Variants in OVCH2 observed in about 807,000 individuals in gnomAD.
OVCH2 encodes the protein ovochymase 2.
In OVCH2, 88 loss-of-function variants were observed where a neutral mutation model predicts 73.7. The ratio of observed to expected loss-of-function variants is 1.19; its 90% CI spans 1.01 to 1.43. The LOEUF is 1.43. OVCH2 is among the 40% of genes most tolerant of loss of function. The pLI, the probability that OVCH2 is intolerant of heterozygous loss-of-function variation, is 0.00. For missense variants in OVCH2, 706 were observed against 674.5 expected (o/e 1.05, Z -0.52); for synonymous variants, 265 against 234.5 (o/e 1.13, Z -1.19).
chr11:7,701,980 C>T (rs1044048496), intron 4 of OVCH2, among the ~76,000 whole-genome samples, 169 bp from the exon 5 acceptor site: 1 of 152,194 alleles, frequency 6.6e-6, no homozygotes, highest in East Asian at 1.9e-4. Flanking sequence ...CTTCTCCTGA[C>T]TCCATGTAAT....
intron 3 of OVCH2, 81 bp from the exon 4 acceptor site, chr11:7,702,410 T>A: frequency 9.6e-7 from 1 of 1,046,746 alleles, no homozygotes; most frequent in Non-Finnish European, 1.4e-6. Flanking sequence ...CTAGCTTCTT[T>A]AAAATGATAT....
At chr11:7,702,106 G>C (rs934794961) in intron 4 of OVCH2, 51 bp downstream of exon 4, 1 of 1,471,170 alleles carries the variant, frequency 6.8e-7, no homozygotes, top group Non-Finnish European at 9.4e-7. Context: ...ATGGCACAGA[G>C]GTTATAGAGA....
the OVCH2 span, among the ~76,000 whole-genome samples, chr11:7,683,409 T>C: frequency 6.6e-6 from 1 of 152,222 alleles, no homozygotes; most frequent in Non-Finnish European, 1.5e-5. Context: ...GTTGGTTTTT[T>C]CTTGAAAATA....
intron 11 of OVCH2, 81 bp downstream of exon 11, chr11:7,695,489 C>T: frequency 1.5e-6 from 2 of 1,361,954 alleles, no homozygotes; most frequent in Non-Finnish European, 1.0e-6. Flanking sequence ...AGAGGGATCC[C>T]TGCCACTCAC....
At chr11:7,692,876 A>G (rs551820941) in intron 12 of OVCH2, among the ~76,000 whole-genome samples, 1 of 152,362 alleles carries the variant, frequency 6.6e-6, no homozygotes, top group African/African-American at 2.4e-5. Context: ...TATTGGCAGC[A>G]TAATATTTCA....
intron 5 of OVCH2, 95 bp downstream of exon 5, chr11:7,701,621 A>G (rs1856439330): frequency 2.1e-6 from 3 of 1,407,284 alleles, no homozygotes; most frequent in African/African-American, 3.7e-5. Flanking sequence ...TGTATGCACA[A>G]TCGATTTTTA....
chr11:7,703,451 G>A (rs1014736647), intron 3 of OVCH2, among the ~76,000 whole-genome samples: 1 of 152,036 alleles, frequency 6.6e-6, no homozygotes, highest in Non-Finnish European at 1.5e-5. Flanking sequence ...TGACTTGGAT[G>A]CTATTATTAA....
At chr11:7,701,916 G>T in intron 4 of OVCH2, 105 bp from the exon 5 acceptor site, 1 of 994,674 alleles carries the variant, frequency 1.0e-6, no homozygotes, top group Non-Finnish European at 1.5e-6. Flanking sequence ...CCTCATGAGA[G>T]TTGTGATAGC....
chr11:7,706,294 A>G lies in OVCH2; in HGVS notation c.88+13T>C. ...TCAGACAAAGGTAATTATAGAGTTC[A>G]TTTGAAACTTACCTTTGGGGAGCGA... On this transcript the variant is annotated intron_variant, in intron 1 of 15. Coordinates refer to ENST00000533663, the MANE Select transcript of OVCH2 (RefSeq NM_198185.7). The G allele has an allele frequency of 6.4e-7, 1 of 1,572,856 alleles. No individual in the cohort carries two copies. The highest frequency in any genetic ancestry group is 8.6e-7 in the Non-Finnish European group (1 of 1,156,632).
At chr11:7,696,352 G>C (rs878917999) in intron 10 of OVCH2, 113 bp downstream of exon 10, 30 of 1,416,706 alleles carry the variant, frequency 2.1e-5, no homozygotes, top group Non-Finnish European at 1.9e-6. Flanking sequence ...TCTCAAAGCG[G>C]AAGTCAAGAA....
At position 7,703,705 on chromosome 11, in the gene OVCH2, C is replaced by A; in HGVS notation, c.283G>T (p.Ala95Ser). 6.2e-7 allele frequency: 1 copy of A among 1,603,260 alleles called. No individual in the cohort carries two copies. The highest frequency in any genetic ancestry group is 8.5e-7 in the Non-Finnish European group (1 of 1,174,946). ...QWVITAAHCI[A>S]NRNIVSTLNV... Reference sequence around the variant, plus strand: ...GGGCTAGGCCTTTCTTACCTGTTTGCAATGCAGTGAGCCGCCGTGATCACC... The same window carrying A: ...GGGCTAGGCCTTTCTTACCTGTTTGAAATGCAGTGAGCCGCCGTGATCACC... Residue 95 changes from alanine to serine, a missense_variant, in exon 3 of 16, where the codon GCA (alanine) becomes TCA (serine). Ala to Ser is a moderately conservative substitution (Grantham distance 99, BLOSUM62 1). Transcript: ENST00000533663.
chr11:7,688,129 C>G (rs547723212), downstream of OVCH2, among the ~76,000 whole-genome samples: 33 of 152,134 alleles, frequency 2.2e-4, no homozygotes, highest in Non-Finnish European at 4.3e-4. Context: ...TTCTCCTCCT[C>G]CCCTTATGCC....
At chr11:7,687,321 A>G (rs1257397580), downstream of OVCH2, among the ~76,000 whole-genome samples, 1 of 149,834 alleles carries the variant, frequency 6.7e-6, no homozygotes, top group Non-Finnish European at 1.5e-5. Context: ...TAATAATAAT[A>G]ATAATAATAA....
chr11:7,706,105 G>A, intron 1 of OVCH2: 1 of 515,730 alleles, frequency 1.9e-6, no homozygotes, highest in Non-Finnish European at 3.4e-6. Context: ...GGATACATTA[G>A]TTGCATTCTA....
the OVCH2 span, among the ~76,000 whole-genome samples, chr11:7,681,780 C>T: frequency 6.7e-6 from 1 of 150,326 alleles, no homozygotes; most frequent in South Asian, 2.1e-4. Context: ...CATGGACAAG[C>T]CTGGGGATGG....
the OVCH2 span, among the ~76,000 whole-genome samples, chr11:7,684,187 T>C: frequency 0.038 from 5,770 of 152,150 alleles, 149 homozygotes; most frequent in African/African-American, 0.076. Flanking sequence ...CTGACCTTTC[T>C]TGACCATCAA....
rs975348989 is a variant in OVCH2 at position 7,701,911 on chromosome 11, T to C, written c.464-100A>G. On this transcript the variant is annotated intron_variant, in intron 4 of 15. Transcript: ENST00000533663. ...TCCAGGTGGTCCCCTAAAGACCTCA[T>C]GAGAGTTGTGATAGCTCTGCCTGGC... 6 of 1,026,644 alleles carry C rather than the reference T, an allele frequency of 5.8e-6. No homozygotes were observed. In the African/African-American group the frequency reaches 9.7e-5, roughly 17 times the overall value. 63.6% of individuals were successfully genotyped at this position (1,026,644 alleles called of 1,614,324 possible). A position where few individuals can be genotyped will look rare whatever the true frequency, so the allele number is the denominator to read the frequency against.
At position 7,703,730 on chromosome 11, in the gene OVCH2, C is replaced by G; in HGVS notation, c.258G>C (p.Trp86Cys). Residue 86 changes from tryptophan (W) to cysteine (C), a missense_variant, in exon 3 of 16, where the codon TGG becomes TGC. Transcript: ENST00000533663. Reference sequence around the variant, plus strand: ...CAATGCAGTGAGCCGCCGTGATCACCCACTGTGGTGAGACGATGCTTCCTC... The same window carrying G: ...CAATGCAGTGAGCCGCCGTGATCACGCACTGTGGTGAGACGATGCTTCCTC... ...ICGGSIVSPQ[W>C]VITAAHCIAN... The G allele has an allele frequency of 6.2e-7, 1 of 1,610,444 alleles. No homozygotes were observed.
At chr11:7,693,544 C>A (rs555753461) in intron 12 of OVCH2, among the ~76,000 whole-genome samples, 75 of 152,328 alleles carry the variant, frequency 4.9e-4, no homozygotes, top group Middle Eastern at 3.4e-3. Context: ...TCAATCACTT[C>A]TGGCTCTGGC....
Sources: allele counts gnomAD v4.1 joint callset (sites outside exome capture counted in the v4.1 genomes callset), GRCh38; gene constraint gnomAD v4.1.1; transcripts MANE v1.5; gene names NCBI Gene and HGNC (gene_info 2026-07-23, HGNC 2026-07-21).